Variants in TESMIN observed in about 807,000 individuals in gnomAD.
TESMIN encodes the protein CXC domain containing 2.
TESMIN carries 34 observed loss-of-function variants against 47.4 expected under a neutral mutation model. The ratio of observed to expected loss-of-function variants is 0.72; its 90% CI spans 0.55 to 0.96. TESMIN has a LOEUF of 0.96. Ranked by LOEUF, TESMIN falls within the 40% of genes least tolerant of loss-of-function variation. TESMIN has a pLI of 0.00. For synonymous variants in TESMIN, 278 were observed against 258.9 expected (o/e 1.07, Z -0.71); for missense variants, 610 against 637.2 (o/e 0.96, Z 0.46).
At chr11:68,735,365 T>C in intron 6 of TESMIN, among the ~76,000 whole-genome samples, 1 of 151,944 alleles carries the variant, frequency 6.6e-6, no homozygotes, top group East Asian at 1.9e-4. Context: ...GAGGAAGTGG[T>C]GTGGGGGCTT....
At chr11:68,748,985 G>A (rs931235625) in intron 2 of TESMIN, among the ~76,000 whole-genome samples, 4 of 152,084 alleles carry the variant, frequency 2.6e-5, no homozygotes, top group South Asian at 2.1e-4. Flanking sequence ...ACAGGTGTGC[G>A]CCACCACACC....
At chr11:68,706,604 G>A (rs1946000856), downstream of TESMIN, among the ~76,000 whole-genome samples, 1 of 152,208 alleles carries the variant, frequency 6.6e-6, no homozygotes, top group Admixed American at 6.5e-5. Context: ...CTTAAGGTGT[G>A]GCTGGTGCCA....
chr11:68,731,458 A>G (rs553915432), intron 6 of TESMIN, among the ~76,000 whole-genome samples: 5 of 145,540 alleles, frequency 3.4e-5, no homozygotes, highest in Non-Finnish European at 7.6e-5. Flanking sequence ...AAAAAAAAAT[A>G]CTGTCATGTG....
At chr11:68,712,264 C>A (rs904772680) in intron 8 of TESMIN, among the ~76,000 whole-genome samples, 1 of 152,152 alleles carries the variant, frequency 6.6e-6, no homozygotes, top group African/African-American at 2.4e-5. Context: ...GCTGTGGGTG[C>A]GATTGGAAGT....
At chr11:68,744,171 C>A (rs1346780129) in intron 4 of TESMIN, among the ~76,000 whole-genome samples, 2 of 152,178 alleles carry the variant, frequency 1.3e-5, no homozygotes, top group Admixed American at 6.5e-5. Flanking sequence ...CACGCTTTGT[C>A]TTTTTGCCCT....
At chr11:68,717,442 C>T (rs1946153334) in intron 6 of TESMIN, among the ~76,000 whole-genome samples, 2 of 152,192 alleles carry the variant, frequency 1.3e-5, no homozygotes, top group Admixed American at 6.5e-5. Flanking sequence ...GAGACAACTC[C>T]ACTCCACAAC....
chr11:68,747,495 G>A, intron 2 of TESMIN, 129 bp from the exon 3 acceptor site: 3 of 792,938 alleles, frequency 3.8e-6, no homozygotes, highest in Non-Finnish European at 6.0e-6. Flanking sequence ...TACTAGGCAT[G>A]GTGGCACACT....
chr11:68,706,289 G>T (rs942903867), downstream of TESMIN, among the ~76,000 whole-genome samples: 1 of 152,128 alleles, frequency 6.6e-6, no homozygotes, highest in Non-Finnish European at 1.5e-5. Flanking sequence ...CTTCTCTGCC[G>T]GAAGACCCTG....
intron 2 of TESMIN, 29 bp from the exon 3 acceptor site, chr11:68,747,395 A>G (rs779564955): frequency 1.3e-6 from 2 of 1,585,488 alleles, no homozygotes; most frequent in East Asian, 2.2e-5. Context: ...TATTTTAGAG[A>G]ACACATGGTG....
intron 6 of TESMIN, 76 bp from the exon 7 acceptor site, chr11:68,716,015 A>G: frequency 1.0e-6 from 1 of 974,510 alleles, no homozygotes; most frequent in African/African-American, 1.6e-5. Context: ...ACACACGTGT[A>G]AGGAAAGAGC....
intron 6 of TESMIN, among the ~76,000 whole-genome samples, chr11:68,727,412 C>T (rs912903254): frequency 1.3e-5 from 2 of 152,164 alleles, no homozygotes; most frequent in African/African-American, 4.8e-5. Context: ...TGTACTCCAG[C>T]CTGGGCAACA....
intron 8 of TESMIN, among the ~76,000 whole-genome samples, chr11:68,711,488 T>A (rs746590720): frequency 5.9e-5 from 9 of 151,952 alleles, no homozygotes; most frequent in Non-Finnish European, 1.0e-4. Flanking sequence ...GTGCTGCTGT[T>A]GTGGAGATGC....
At chr11:68,720,739 G>C (rs747502923) in intron 6 of TESMIN, among the ~76,000 whole-genome samples, 12 of 151,790 alleles carry the variant, frequency 7.9e-5, no homozygotes, top group Non-Finnish European at 1.8e-4. Context: ...CACATCCAAG[G>C]GTTGCCAAAT....
At chr11:68,738,201 T>C (rs1946410414) in intron 6 of TESMIN, 1 of 987,234 alleles carries the variant, frequency 1.0e-6, no homozygotes, top group African/African-American at 1.7e-5. Context: ...GTGCAGCCTA[T>C]GTCCACCTGG....
Position 68,750,511 on chromosome 11 carries a change from T to G in TESMIN, c.150A>C (p.Lys50Asn). ...GGTCCGCCGGGCCCAGGTACGCTTC[T>G]TTGAAGACGTGGAACTCGTCCTCCT... is the stretch of plus-strand genomic sequence containing the variant. ...KYEEDEFHVF[K>N]EAYLGPADPK... is the part of the protein sequence containing the mutation. The change falls in exon 2 of 10, where the codon AAA becomes AAC. Residue 50 changes from lysine to asparagine, a missense_variant. By Grantham distance (94) the Lys-to-Asn change is moderately conservative. Transcript: ENST00000255087. 1.2e-6 allele frequency: 2 copies of G among 1,604,318 alleles called. No individual in the cohort carries two copies. The highest frequency in any genetic ancestry group is 1.7e-6 in the Non-Finnish European group (2 of 1,176,014).
At chr11:68,746,130 A>G (rs973129225) in intron 3 of TESMIN, among the ~76,000 whole-genome samples, 6 of 151,896 alleles carry the variant, frequency 4.0e-5, no homozygotes, top group African/African-American at 1.5e-4. Context: ...ATTCATGTTC[A>G]ATTGGAGTTG....
Position 68,750,597 on chromosome 11 carries a change from A to G in TESMIN, c.64T>C (p.Leu22=). ...GAAGCGAACGGACCCTCGGGGCTTA[A>G]GAGCTCCGTCACCATCGCATCCTCG... ...SPEDAMVTEL[L]SPEGPFASEN... The change falls in exon 2 of 10, where the codon TTA becomes CTA. Residue 22 remains leucine, a synonymous_variant. Coordinates refer to ENST00000255087, the MANE Select transcript of TESMIN (RefSeq NM_004923.3). 1 of 1,604,022 alleles carries G rather than the reference A, an allele frequency of 6.2e-7. No homozygotes were observed.
intron 9 of TESMIN, chr11:68,710,396 A>C (rs1946049436): frequency 6.5e-6 from 1 of 154,336 alleles, no homozygotes; most frequent in Non-Finnish European, 1.4e-5. Context: ...AAAACTGATA[A>C]ATGCAAAATT....
intron 2 of TESMIN, among the ~76,000 whole-genome samples, chr11:68,748,785 T>A (rs1946552879): frequency 6.6e-6 from 1 of 152,180 alleles, no homozygotes; most frequent in South Asian, 2.1e-4. Context: ...TCTCTTAAAA[T>A]TGGATTAAAG....
Sources: gnomAD v4.1 joint callset for allele counts (sites outside exome capture counted in the v4.1 genomes callset) on GRCh38, gnomAD v4.1.1 for gene constraint, MANE v1.5 for transcripts, NCBI Gene and HGNC (gene_info 2026-07-23, HGNC 2026-07-21) for gene names.